ZFHX3: variants seen among roughly 807,000 people sequenced by gnomAD.
ZFHX3 encodes zinc finger homeobox protein 3.
Under a neutral mutation model 279.1 loss-of-function variants are expected in ZFHX3, and 42 were observed. The observed-to-expected ratio is 0.15, with a 90% confidence interval of 0.12 to 0.19. The LOEUF (loss-of-function observed/expected upper bound fraction) is 0.19, where lower values mean the gene tolerates loss of function less well. ZFHX3 is among the 10% of genes least tolerant of loss of function. ZFHX3 has a pLI of 1.00. For synonymous variants in ZFHX3, 2,293 were observed against 1,957.8 expected (o/e 1.17, Z -4.52); for missense variants, 4,981 against 4,754.0 (o/e 1.05, Z -1.40).
rs552408513 is a variant in ZFHX3 at position 73,871,494 on chromosome 16, AAGAG to A, written c.-1608+20153_-1608+20156del. 2.4e-3 allele frequency among the ~76,000 whole-genome samples: 356 copies of A among 149,636 alleles called. 2 individuals are homozygous for A. Among genetic ancestry groups the A allele is most frequent in the African/African-American group, 7.5e-3 (301 of 40,044 alleles). On this transcript the variant is annotated intron_variant, in intron 1 of 17. Coordinates refer to the ZFHX3 transcript ENST00000641206. ...TCCCTGGGAGGACAATAAAAAAAAA[AAGAG>A]AGAGAGAGAGAGAGAGTGTGTGTGC... is the stretch of plus-strand genomic sequence containing the variant.
intron 1 of ZFHX3, among the ~76,000 whole-genome samples, chr16:72,983,951 T>C (rs1031831106): frequency 5.3e-5 from 8 of 152,196 alleles, no homozygotes; most frequent in Admixed American, 1.3e-4. Context: ...GTCCAGAACC[T>C]TCCATCTTGC....
chr16:73,091,289 T>C (rs1966078083), intron 8 of ZFHX3, among the ~76,000 whole-genome samples: 1 of 150,812 alleles, frequency 6.6e-6, no homozygotes, highest in South Asian at 2.1e-4. Context: ...GTGTCACGCT[T>C]TTCCAAAAGG....
chr16:73,400,471 C>T (rs1038086617), intron 3 of ZFHX3: 1 of 152,148 alleles, frequency 6.6e-6, no homozygotes, highest in African/African-American at 2.4e-5. Flanking sequence ...ACAAAGAGTC[C>T]ACAGCTCGGT....
At chr16:73,142,551 T>A (rs1045123518) in intron 6 of ZFHX3, among the ~76,000 whole-genome samples, 1 of 152,188 alleles carries the variant, frequency 6.6e-6, no homozygotes, top group Non-Finnish European at 1.5e-5. Flanking sequence ...AAAATCCTTA[T>A]AAACAGTAGT....
At chr16:73,859,329 G>A (rs747526676) in intron 1 of ZFHX3, among the ~76,000 whole-genome samples, 58 of 152,176 alleles carry the variant, frequency 3.8e-4, no homozygotes, top group Non-Finnish European at 6.0e-4. Flanking sequence ...TTAATTTTGT[G>A]AATTAAAGCC....
intron 1 of ZFHX3, among the ~76,000 whole-genome samples, chr16:73,867,385 C>A (rs1209131546): frequency 1.3e-5 from 2 of 152,162 alleles, no homozygotes; most frequent in African/African-American, 2.4e-5. Flanking sequence ...CTAGACATCA[C>A]GTAGCTTAGT....
At chr16:73,102,349 C>A (rs146390611) in intron 7 of ZFHX3, among the ~76,000 whole-genome samples, 16 of 152,334 alleles carry the variant, frequency 1.1e-4, no homozygotes, top group African/African-American at 3.6e-4. Flanking sequence ...CGGCATCTGT[C>A]CACTTTGTGA....
intron 2 of ZFHX3, among the ~76,000 whole-genome samples, chr16:73,615,775 G>A (rs2052294308): frequency 6.6e-6 from 1 of 152,166 alleles, no homozygotes; most frequent in African/African-American, 2.4e-5. Flanking sequence ...ACAGAACAGG[G>A]ACTGACACTC....
intron 3 of ZFHX3, among the ~76,000 whole-genome samples, chr16:73,326,608 G>T (rs1015462661): frequency 3.9e-5 from 6 of 152,152 alleles, no homozygotes; most frequent in African/African-American, 1.4e-4. Flanking sequence ...AGGGTTGAGG[G>T]GGGAGGGAAG....
At chr16:73,331,469 T>C (rs940073743) in intron 3 of ZFHX3, among the ~76,000 whole-genome samples, 7 of 152,198 alleles carry the variant, frequency 4.6e-5, no homozygotes, top group Admixed American at 4.6e-4. Context: ...AGTTGAGACA[T>C]CCCTGGTCTT....
At chr16:73,503,908 G>A (rs554154737) in intron 2 of ZFHX3, among the ~76,000 whole-genome samples, 1 of 152,314 alleles carries the variant, frequency 6.6e-6, no homozygotes, top group Non-Finnish European at 1.5e-5. Context: ...AGAAACTAGG[G>A]TGATAGTTAT....
At position 73,320,696 on chromosome 16, in the gene ZFHX3, C is replaced by T. The variant is rs529394640; in HGVS notation, c.-1290-2360G>A. Among the ~76,000 whole-genome samples, 16 of 152,314 alleles carry T rather than the reference C, an allele frequency of 1.1e-4. No individual in the cohort carries two copies. In the South Asian group the frequency reaches 3.3e-3, roughly 32 times the overall value. On this transcript the variant is annotated intron_variant, in intron 3 of 17. Transcript: ENST00000641206. The stretch of plus-strand genomic sequence containing the variant: ...GCCAGAAGTCTCTGGGCTCTGTCAT[C>T]CCATTGAAGGCTCCCAGTGGTACTA...
rs144102879 is a variant in ZFHX3, at chr16:72,890,845, T to C, written c.3217-883A>G. On this transcript the variant is annotated intron_variant, in intron 3 of 9. Coordinates refer to ENST00000268489, the MANE Select transcript of ZFHX3 (RefSeq NM_006885.4). ...ATTTACATACTGTCTATGGATGTTT[T>C]TGAAACATCAGAGTTGAACAGTTAT... Among the ~76,000 whole-genome samples, 1,222 of 152,382 alleles carry C rather than the reference T, an allele frequency of 8.0e-3. 16 individuals carry two copies. The highest frequency in any genetic ancestry group is 0.028 in the African/African-American group (1,183 of 41,584).
In ZFHX3 at chr16:72,798,117, T is replaced by A. The variant is rs2035977836; in HGVS notation, c.4565A>T (p.Lys1522Met). ...ACCTTTTCTGAAAGGCAGAGCTCTCTTTGGCTCTGAGCCCGAGTCTTCTTG... is the reference window on the plus strand; with the variant it reads ...ACCTTTTCTGAAAGGCAGAGCTCTCATTGGCTCTGAGCCCGAGTCTTCTTG... ...SVQEDSGSEP[K>M]RALPFRKGPN... The change falls in exon 9 of 10, where the codon AAG (lysine) becomes ATG (methionine). Residue 1522 changes from lysine (K) to methionine (M), a missense_variant. This residue lies in a region of ZFHX3 where 1,751 missense variants were observed against 1,770.0 expected (regional missense o/e 0.99). Transcript: ENST00000268489. 6.2e-7 allele frequency: 1 copy of A among 1,614,124 alleles called. No individual in the cohort carries two copies. The highest frequency in any genetic ancestry group is 1.3e-5 in the African/African-American group (1 of 74,940).
At chr16:72,941,963 C>T (rs1421248039) in intron 3 of ZFHX3, among the ~76,000 whole-genome samples, 1 of 152,208 alleles carries the variant, frequency 6.6e-6, no homozygotes, top group Non-Finnish European at 1.5e-5. Context: ...TCCCACCCTA[C>T]ACTTACTAGT....
intron 9 of ZFHX3, among the ~76,000 whole-genome samples, chr16:72,792,325 A>G (rs1165778659): frequency 1.3e-5 from 2 of 152,248 alleles, no homozygotes; most frequent in Non-Finnish European, 2.9e-5. Context: ...TAACAGAACC[A>G]CATTGCCCAA....
chr16:73,149,361 T>A (rs1345684122), intron 5 of ZFHX3, among the ~76,000 whole-genome samples: 2 of 151,778 alleles, frequency 1.3e-5, no homozygotes, highest in Admixed American at 6.6e-5. Flanking sequence ...TAAAAATTAT[T>A]GTTATTAACA....
chr16:73,778,093 A>G (rs759589124), intron 1 of ZFHX3, among the ~76,000 whole-genome samples: 1 of 152,124 alleles, frequency 6.6e-6, no homozygotes, highest in Non-Finnish European at 1.5e-5. Context: ...AATATTTTTT[A>G]AAAGCTCACT....
chr16:73,330,283 A>T (rs2015775338), intron 3 of ZFHX3, among the ~76,000 whole-genome samples: 1 of 152,176 alleles, frequency 6.6e-6, no homozygotes, highest in African/African-American at 2.4e-5. Context: ...GTGGCAAATA[A>T]AGTGGATTTC....
Sources: allele counts gnomAD v4.1 joint callset (sites outside exome capture counted in the v4.1 genomes callset), GRCh38; gene constraint gnomAD v4.1.1; regional missense constraint gnomAD v4.1.1; transcripts MANE v1.5; gene names NCBI Gene and HGNC (gene_info 2026-07-23, HGNC 2026-07-21).